The following CCDC88C variants were observed in gnomAD, a reference collection of about 807,000 sequenced individuals.
CCDC88C encodes the protein protein Daple.
A neutral mutation model predicts 198.8 loss-of-function variants in CCDC88C; 131 were observed. The observed-to-expected ratio is 0.66, with a 90% confidence interval of 0.57 to 0.76. The LOEUF (loss-of-function observed/expected upper bound fraction) is 0.76, where lower values mean the gene tolerates loss of function less well. Among genes scored for constraint, CCDC88C ranks in the 30% least tolerant of loss-of-function variants. The probability of loss-of-function intolerance (pLI) is 0.00; values close to 1 mark genes in which losing one functional copy is unlikely to be tolerated. For synonymous variants in CCDC88C, 1,166 were observed against 1,114.7 expected (o/e 1.05, Z -0.92); for missense variants, 2,553 against 2,631.6 (o/e 0.97, Z 0.65).
intron 10 of CCDC88C, among the ~76,000 whole-genome samples, chr14:91,333,134 C>T (rs964690212): frequency 1.3e-5 from 2 of 152,306 alleles, no homozygotes; most frequent in Non-Finnish European, 1.5e-5. Context: ...CAGCCACTGA[C>T]GTATGTGCAT....
At chr14:91,332,920 A>T (rs1396512333) in intron 10 of CCDC88C, among the ~76,000 whole-genome samples, 1 of 152,222 alleles carries the variant, frequency 6.6e-6, no homozygotes, top group Non-Finnish European at 1.5e-5. Context: ...GCCTCTGGCC[A>T]CACTCCACCC....
intron 3 of CCDC88C, among the ~76,000 whole-genome samples, chr14:91,391,141 C>T (rs557031713): frequency 6.6e-6 from 1 of 152,254 alleles, no homozygotes; most frequent in South Asian, 2.1e-4. Context: ...CTTGCCCATT[C>T]ACTGGCACCT....
chr14:91,360,597 C>T (rs1894266972), intron 3 of CCDC88C, among the ~76,000 whole-genome samples: 2 of 152,296 alleles, frequency 1.3e-5, no homozygotes, highest in African/African-American at 2.4e-5. Context: ...GCTTCCTAAG[C>T]GAGGGATACA....
At chr14:91,320,972 G>A (rs1892330747) in intron 13 of CCDC88C, 148 bp downstream of exon 13, 3 of 725,854 alleles carry the variant, frequency 4.1e-6, no homozygotes, top group South Asian at 3.9e-5. Context: ...ATAATCAGCG[G>A]TGACTGCGCC....
chr14:91,365,357 G>A (rs376753620), intron 3 of CCDC88C, among the ~76,000 whole-genome samples: 280 of 152,336 alleles, frequency 1.8e-3, no homozygotes, highest in African/African-American at 6.3e-3. Flanking sequence ...AAAGGGGTCT[G>A]AGCGCCTCCC....
intron 10 of CCDC88C, among the ~76,000 whole-genome samples, chr14:91,331,728 C>T (rs1213356041): frequency 6.6e-5 from 10 of 152,186 alleles, no homozygotes; most frequent in African/African-American, 1.9e-4. Flanking sequence ...CGGACAGGTG[C>T]ACCCCAGAAT....
intron 3 of CCDC88C, among the ~76,000 whole-genome samples, chr14:91,370,760 C>A (rs143728176): frequency 1.3e-5 from 2 of 152,110 alleles, no homozygotes; most frequent in Non-Finnish European, 2.9e-5. Flanking sequence ...TGGACACATC[C>A]GTGCATACAG....
Position 91,338,944 on chromosome 14 carries a change from A to C in CCDC88C, c.809+334T>G, listed in dbSNP as rs1285789. ...GATTGGAGGGAAGGAGGGGCACCTCATCCCTCCAGCCAAGAAAACACATCA... is the reference window on the plus strand; with the variant it reads ...GATTGGAGGGAAGGAGGGGCACCTCCTCCCTCCAGCCAAGAAAACACATCA... On this transcript the variant is annotated intron_variant, in intron 8 of 29. Coordinates refer to ENST00000389857, the MANE Select transcript of CCDC88C (RefSeq NM_001080414.4). The surrounding 1 kb of genome is among the most constrained non-coding windows in gnomAD (Gnocchi z 4.8). 5,370 of 478,900 alleles carry C rather than the reference A, an allele frequency of 0.011. 58 individuals are homozygous for C. The highest frequency in any genetic ancestry group is 0.026 in the Middle Eastern group (43 of 1,668). 29.7% of individuals were successfully genotyped at this position (478,900 alleles called of 1,614,324 possible).
intron 6 of CCDC88C, among the ~76,000 whole-genome samples, chr14:91,340,830 C>T (rs1037083855): frequency 2.6e-5 from 4 of 152,020 alleles, no homozygotes; most frequent in African/African-American, 9.7e-5. Flanking sequence ...AGTAAGACCC[C>T]ATCTCTACAA....
rs370758883 is a variant in CCDC88C, at chr14:91,314,063, T to C, written c.1753A>G (p.Met585Val). ...ERSQVSSEARMKDVEKENKAL... is the reference protein window; with the variant it reads ...ERSQVSSEARVKDVEKENKAL... ...TTGTTCTCCTTCTCCACGTCTTTCA[T>C]GCGGGCCTCACTGCTGACCTGCGAC... The change falls in exon 15 of 30, where the codon ATG becomes GTG. Residue 585 changes from methionine (M) to valine (V), a missense_variant. By Grantham distance (21) the Met-to-Val change is conservative. Around this residue, in one of 2 missense-constraint regions of CCDC88C, gnomAD observed 1,260 missense variants for 1,412.0 expected, o/e 0.89. Coordinates refer to ENST00000389857, the MANE Select transcript of CCDC88C (RefSeq NM_001080414.4). 6.6e-5 allele frequency: 107 copies of C among 1,613,804 alleles called. No individual in the cohort carries two copies. Among genetic ancestry groups the C allele is most frequent in the Middle Eastern group, 3.3e-4 (2 of 6,084 alleles).
intron 3 of CCDC88C, among the ~76,000 whole-genome samples, chr14:91,394,538 A>T (rs1285468810): frequency 6.6e-6 from 1 of 152,210 alleles, no homozygotes; most frequent in Non-Finnish European, 1.5e-5. Context: ...CCCTGATTGT[A>T]ATGACTTATT....
At position 91,283,533 on chromosome 14, in the gene CCDC88C, A is replaced by G. The variant is rs1890286643; in HGVS notation, c.4442-16T>C. 4 of 1,598,818 alleles carry G rather than the reference A, an allele frequency of 2.5e-6. No individual in the cohort carries two copies. Among genetic ancestry groups the G allele is most frequent in the Non-Finnish European group, 3.4e-6 (4 of 1,172,354 alleles). On this transcript the variant is annotated splice_polypyrimidine_tract_variant and intron_variant, in intron 25 of 29. Transcript: ENST00000389857. ...TCCCCAGGGCCTGAGGCAGAAGAGG[A>G]CATTGAGAAATGAGGCTGCCAAGTC...
rs552323043 is a variant in CCDC88C, at chr14:91,389,839, G to A, written c.270+18820C>T. 8.5e-5 allele frequency among the ~76,000 whole-genome samples: 13 copies of A among 152,074 alleles called. No homozygotes were observed. In the South Asian group the frequency reaches 1.4e-3, roughly 17 times the overall value. On this transcript the variant is annotated intron_variant, in intron 3 of 29. Transcript: ENST00000389857. ...TGTAATCCCAGCACTTTGGGAGGCC[G>A]AGGCGGGCGGATCACAAGGTCAGGA...
intron 23 of CCDC88C, among the ~76,000 whole-genome samples, chr14:91,292,943 G>C (rs1567054406): frequency 6.6e-6 from 1 of 151,476 alleles, no homozygotes; most frequent in Non-Finnish European, 1.5e-5. Flanking sequence ...TACCACAGCT[G>C]AGCGCCCACC....
chr14:91,292,960 T>A (rs1890728644), intron 23 of CCDC88C, among the ~76,000 whole-genome samples: 1 of 151,216 alleles, frequency 6.6e-6, no homozygotes, highest in Admixed American at 6.6e-5. Context: ...CACCTCCTTT[T>A]CCAGCCTTCT....
In CCDC88C at chr14:91,284,940, C is replaced by G. The variant is rs8015474; in HGVS notation, c.4442-1423G>C. Among the ~76,000 whole-genome samples, 656 of 152,250 alleles carry G rather than the reference C, an allele frequency of 4.3e-3. 4 individuals carry two copies. Among genetic ancestry groups the G allele is most frequent in the African/African-American group, 0.015 (624 of 41,534 alleles). On this transcript the variant is annotated intron_variant, in intron 25 of 29. Transcript: ENST00000389857. The surrounding 1 kb of genome is among the most constrained non-coding windows in gnomAD (Gnocchi z 4.1). ...ACAGGAAATGCTCCATAGGTAATGG[C>G]CTAGCTGGCCGGCTGGCATTTTCCC...
chr14:91,346,130 A>T (rs1893537304), intron 4 of CCDC88C, among the ~76,000 whole-genome samples: 2 of 152,242 alleles, frequency 1.3e-5, no homozygotes, highest in Non-Finnish European at 2.9e-5. Flanking sequence ...TTCATTTCAG[A>T]TCCCTGGGTA....
At chr14:91,299,846 C>T in intron 21 of CCDC88C, 81 bp downstream of exon 21, 1 of 1,430,536 alleles carries the variant, frequency 7.0e-7, no homozygotes, top group Non-Finnish European at 9.2e-7. Context: ...GGGACTTGAA[C>T]TTCTCAGTGG....
chr14:91,404,335 A>C (rs560484188), intron 3 of CCDC88C, among the ~76,000 whole-genome samples: 2 of 152,306 alleles, frequency 1.3e-5, no homozygotes, highest in African/African-American at 4.8e-5. Flanking sequence ...GTGAGACGTG[A>C]ATCTGGTGTA....
Sources: allele counts gnomAD v4.1 joint callset (sites outside exome capture counted in the v4.1 genomes callset), GRCh38; gene constraint gnomAD v4.1.1; regional missense constraint gnomAD v4.1.1; non-coding constraint Gnocchi (gnomAD v3.1); transcripts MANE v1.5; gene names NCBI Gene and HGNC (gene_info 2026-07-23, HGNC 2026-07-21).